The following RAB38 variants were observed in gnomAD, a reference collection of about 807,000 sequenced individuals.
The protein encoded by RAB38 is ras-related protein Rab-38.
In RAB38, 15 loss-of-function variants were observed where a neutral mutation model predicts 18.4. The ratio of observed to expected loss-of-function variants is 0.82; its 90% confidence interval spans 0.55 to 1.26. The LOEUF is 1.26. Ranked by LOEUF, RAB38 falls within the 50% of genes most tolerant of loss-of-function variation. The pLI, the probability that RAB38 is intolerant of heterozygous loss-of-function variation, is 0.00. For synonymous variants in RAB38, 101 were observed against 104.4 expected (o/e 0.97, Z 0.20); for missense variants, 294 against 267.4 (o/e 1.10, Z -0.69).
At chr11:88,030,765 C>G in the RAB38 span, among the ~76,000 whole-genome samples, 1 of 152,130 alleles carries the variant, frequency 6.6e-6, no homozygotes, top group East Asian at 1.9e-4. Flanking sequence ...GAGTCCAGGA[C>G]AAGATGGATT....
At chr11:88,032,991 T>A in the RAB38 span, among the ~76,000 whole-genome samples, 1 of 152,056 alleles carries the variant, frequency 6.6e-6, no homozygotes, top group Non-Finnish European at 1.5e-5. Flanking sequence ...TGTCCAACAA[T>A]GATAGACTGG....
the RAB38 span, among the ~76,000 whole-genome samples, chr11:88,084,359 G>T: frequency 6.6e-6 from 1 of 151,650 alleles, no homozygotes; most frequent in Non-Finnish European, 1.5e-5. Context: ...TGCTTTGAAA[G>T]GGATGAAATA....
At chr11:88,044,312 C>G in the RAB38 span, among the ~76,000 whole-genome samples, 4 of 152,236 alleles carry the variant, frequency 2.6e-5, no homozygotes, top group South Asian at 6.2e-4. Flanking sequence ...CTCCGTGTCT[C>G]TACCCCTTCT....
At position 88,149,762 on chromosome 11, in the gene RAB38, C is replaced by A; in HGVS notation, c.396G>T (p.Gly132=). The change falls in exon 2 of 3, where the codon GGG becomes GGT. Residue 132 remains glycine (G), a synonymous_variant. Transcript: ENST00000243662. ...VVLLANKCDQ[G]KDVLMNNGLK... ...GGCCATTGTTCATGAGCACATCCTT[C>A]CCCTGGTCACATTTGTTGGCCAACA... 6.2e-7 allele frequency: 1 copy of A among 1,614,164 alleles called. No homozygotes were observed. Among genetic ancestry groups the A allele is most frequent in the East Asian group, 2.2e-5 (1 of 44,880 alleles).
chr11:88,043,528 T>C, the RAB38 span, among the ~76,000 whole-genome samples: 2 of 152,052 alleles, frequency 1.3e-5, no homozygotes, highest in African/African-American at 2.4e-5. Context: ...CTGCCTTAAC[T>C]GAGGACATTA....
At chr11:87,866,746 C>A in the RAB38 span, among the ~76,000 whole-genome samples, 1 of 151,690 alleles carries the variant, frequency 6.6e-6, no homozygotes, top group Non-Finnish European at 1.5e-5. Flanking sequence ...GATCCCCAAG[C>A]CAAAATATGA....
the RAB38 span, among the ~76,000 whole-genome samples, chr11:88,044,653 C>A: frequency 6.6e-6 from 1 of 152,266 alleles, no homozygotes; most frequent in South Asian, 2.1e-4. Flanking sequence ...TGCCTGACGT[C>A]CAGGCATTCT....
chr11:87,965,772 A>AT, the RAB38 span, among the ~76,000 whole-genome samples: 8 of 152,266 alleles, frequency 5.3e-5, no homozygotes, highest in African/African-American at 1.9e-4. Flanking sequence ...TATAGGTATT[A>AT]TTTTAACTTT....
chr11:88,087,893 T>C, the RAB38 span, among the ~76,000 whole-genome samples: 1 of 151,906 alleles, frequency 6.6e-6, no homozygotes, highest in Non-Finnish European at 1.5e-5. Flanking sequence ...GGGTTGTGAC[T>C]AGAAAAAAGT....
chr11:87,814,285 A>T, the RAB38 span, among the ~76,000 whole-genome samples: 2 of 152,276 alleles, frequency 1.3e-5, no homozygotes, highest in East Asian at 3.9e-4. Context: ...GATTTTATGT[A>T]CTATGTAATA....
chr11:87,942,050 T>G, the RAB38 span, among the ~76,000 whole-genome samples: 1 of 152,186 alleles, frequency 6.6e-6, no homozygotes, highest in East Asian at 1.9e-4. Flanking sequence ...AAGAAAATGG[T>G]GCCCAACCTG....
At chr11:88,102,494 T>C in the RAB38 span, among the ~76,000 whole-genome samples, 1 of 152,072 alleles carries the variant, frequency 6.6e-6, no homozygotes, top group Non-Finnish European at 1.5e-5. Flanking sequence ...TTCTGTTGAT[T>C]TCACATTGAC....
chr11:88,031,893 T>C, the RAB38 span, among the ~76,000 whole-genome samples: 5 of 152,098 alleles, frequency 3.3e-5, no homozygotes, highest in Admixed American at 6.5e-5. Flanking sequence ...GAAGTTCATA[T>C]GGAAGCAAAA....
At chr11:88,131,002 G>T (rs1942761322) in intron 2 of RAB38, among the ~76,000 whole-genome samples, 1 of 151,800 alleles carries the variant, frequency 6.6e-6, no homozygotes, top group South Asian at 2.1e-4. Context: ...CATTCCCTTT[G>T]ATCTAGTAAA....
chr11:87,958,127 T>C, the RAB38 span, among the ~76,000 whole-genome samples: 5 of 152,262 alleles, frequency 3.3e-5, no homozygotes, highest in East Asian at 9.7e-4. Context: ...TCTTTGTCAC[T>C]GGCAGCCACT....
chr11:87,816,417 G>A, the RAB38 span: 2 of 152,192 alleles, frequency 1.3e-5, no homozygotes, highest in African/African-American at 2.4e-5. Context: ...TGGTTGATTG[G>A]CTATACTGTG....
At chr11:87,829,899 T>C in the RAB38 span, among the ~76,000 whole-genome samples, 1 of 152,080 alleles carries the variant, frequency 6.6e-6, no homozygotes, top group South Asian at 2.1e-4. Context: ...GAAGCAAAAT[T>C]ACCTAATGAT....
At chr11:87,876,301 A>G in the RAB38 span, among the ~76,000 whole-genome samples, 1 of 151,554 alleles carries the variant, frequency 6.6e-6, no homozygotes, top group South Asian at 2.1e-4. Context: ...TCTAGTGGGT[A>G]TCTGGGCATG....
the RAB38 span, among the ~76,000 whole-genome samples, chr11:88,018,343 T>C: frequency 1.3e-5 from 2 of 152,150 alleles, no homozygotes; most frequent in Non-Finnish European, 2.9e-5. Context: ...TCCACCCTTT[T>C]CCCACATCAT....
Sources: allele counts gnomAD v4.1 joint callset (sites outside exome capture counted in the v4.1 genomes callset), GRCh38; gene constraint gnomAD v4.1.1; transcripts MANE v1.5; gene names NCBI Gene and HGNC (gene_info 2026-07-23, HGNC 2026-07-21).